SLC15A2: variants seen among roughly 807,000 people sequenced by gnomAD.
SLC15A2 encodes kidney H(+)/peptide cotransporter.
Under a neutral mutation model 95.5 loss-of-function variants are expected in SLC15A2, and 77 were observed. That is an observed-to-expected ratio of 0.81 (90% CI 0.67 to 0.97). SLC15A2 has a LOEUF of 0.97. SLC15A2 is among the 50% of genes least tolerant of loss of function. The pLI is 0.00. For missense variants in SLC15A2, 893 were observed against 874.4 expected (o/e 1.02, Z -0.27); for synonymous variants, 306 against 306.9 (o/e 1.00, Z 0.03).
At position 121,902,143 on chromosome 3, in the gene SLC15A2, G is replaced by A. The variant is rs1006026292; in HGVS notation, c.335+4614G>A. ...GGAAAGACTAATCAATAGGTACGCA[G>A]TGGGAAAACAAAAATTATTAAACAT... On this transcript the variant is annotated intron_variant, in intron 3 of 21. Coordinates refer to ENST00000489711, the MANE Select transcript of SLC15A2 (RefSeq NM_021082.4). Among the ~76,000 whole-genome samples, 9 of 152,150 alleles carry A rather than the reference G, an allele frequency of 5.9e-5. No individual in the cohort carries two copies. The East Asian group carries it at 1.7e-3, about 29-fold the overall frequency.
chr3:121,907,625 C>A (rs1455995602), intron 3 of SLC15A2, among the ~76,000 whole-genome samples: 1 of 152,206 alleles, frequency 6.6e-6, no homozygotes, highest in Non-Finnish European at 1.5e-5. Context: ...AGCTGCGGGT[C>A]TGTTGGAGTT....
Position 121,896,450 on chromosome 3 carries a change from G to A in SLC15A2, c.150G>A (p.Val50=). The change falls in exon 2 of 22, where the codon GTG becomes GTA. Residue 50 remains valine, a synonymous_variant. Transcript: ENST00000489711. ...SNYPLSIAFI[V]VNEFCERFSY... is the part of the protein sequence containing the mutation. ...ATCCACTGAGCATTGCCTTCATTGT[G>A]GTGAATGAATTCTGCGAGCGCTTTT... 2 of 1,614,084 alleles carry A rather than the reference G, an allele frequency of 1.2e-6. No homozygotes were observed. The highest frequency in any genetic ancestry group is 1.7e-6 in the Non-Finnish European group (2 of 1,179,994).
chr3:121,905,894 G>T (rs9713657), intron 3 of SLC15A2, among the ~76,000 whole-genome samples: 2 of 151,394 alleles, frequency 1.3e-5, no homozygotes, highest in East Asian at 3.9e-4. Flanking sequence ...TTCATGTCCT[G>T]TATATCCTTG....
At chr3:121,913,226 C>G in intron 5 of SLC15A2, 106 bp downstream of exon 5, 1 of 781,718 alleles carries the variant, frequency 1.3e-6, no homozygotes, top group East Asian at 2.5e-5. Context: ...CTGGTCAGAT[C>G]TTATCTGAGC....
At chr3:121,936,963 G>T (rs1710360319) in intron 19 of SLC15A2, among the ~76,000 whole-genome samples, 2 of 151,514 alleles carry the variant, frequency 1.3e-5, no homozygotes, top group African/African-American at 2.4e-5. Flanking sequence ...AGGCCTGGTG[G>T]TGACAAAATC....
intron 20 of SLC15A2, 85 bp from the exon 21 acceptor site, chr3:121,940,299 C>T: frequency 1.0e-6 from 1 of 960,544 alleles, no homozygotes; most frequent in Non-Finnish European, 1.7e-6. Flanking sequence ...AACTTGGAAG[C>T]TTTTGTGGGA....
rs199548513 is a variant in SLC15A2, at chr3:121,897,369, C to CT, written c.194-11dup. 1.1e-3 allele frequency: 1,796 copies of CT among 1,610,220 alleles called. 16 individuals are homozygous for CT. In the African/African-American group the frequency reaches 0.018, roughly 16 times the overall value. ...ATCTTGTTTTGTCTCCCCACGCCTC[C>CT]TTTTTTTTCCCACTACAGCTGTGCT... is the stretch of plus-strand genomic sequence containing the variant. On this transcript the variant is annotated intron_variant, in intron 2 of 21. Transcript: ENST00000489711.
intron 21 of SLC15A2, 93 bp from the exon 22 acceptor site, chr3:121,940,738 C>T (rs1184009626): frequency 7.4e-7 from 1 of 1,350,070 alleles, no homozygotes; most frequent in Admixed American, 2.1e-5. Context: ...AACTGGTGAT[C>T]CCAGGTCAGT....
intron 3 of SLC15A2, among the ~76,000 whole-genome samples, chr3:121,903,709 T>A (rs894787251): frequency 6.6e-6 from 1 of 152,210 alleles, no homozygotes; most frequent in African/African-American, 2.4e-5. Flanking sequence ...CATTGGTCTA[T>A]ATATGTGTTT....
In SLC15A2 at chr3:121,894,471, C is replaced by G; in HGVS notation, c.-6C>G. On this transcript the variant is annotated 5_prime_UTR_variant, in exon 1 of 22. Coordinates refer to ENST00000489711, the MANE Select transcript of SLC15A2 (RefSeq NM_021082.4). ...TTGAGGAGAGAGAGAGAGTAAGGAG[C>G]CAGCCATGAATCCTTTCCAGAAAAA... 1.2e-6 allele frequency: 2 copies of G among 1,608,512 alleles called. No homozygotes were observed. Among genetic ancestry groups the G allele is most frequent in the Non-Finnish European group, 1.7e-6 (2 of 1,176,154 alleles).
rs1048853174 is a variant in SLC15A2, at chr3:121,931,650, T to G, written c.1676T>G (p.Val559Gly). 1 of 1,609,698 alleles carries G rather than the reference T, an allele frequency of 6.2e-7. No homozygotes were observed. The highest frequency in any genetic ancestry group is 2.2e-5 in the East Asian group (1 of 44,844). ...RTVQRGEYPAVHCRTEDKNFS... is the reference protein window; with the variant it reads ...RTVQRGEYPAGHCRTEDKNFS... ...TCATCCTGTTCCAGATACCCTGCAG[T>G]GCACTGTAGAACAGAAGATAAGAAC... The change falls in exon 19 of 22, where the codon GTG becomes GGG. Residue 559 changes from valine (V) to glycine (G), a missense_variant. Transcript: ENST00000489711.
Position 121,940,828 on chromosome 3 carries a change from C to A in SLC15A2, c.2014-3C>A. 1 of 1,610,316 alleles carries A rather than the reference C, an allele frequency of 6.2e-7. No individual in the cohort carries two copies. The highest frequency in any genetic ancestry group is 8.5e-7 in the Non-Finnish European group (1 of 1,178,462). On this transcript the variant is annotated splice_polypyrimidine_tract_variant and splice_region_variant and intron_variant, in intron 21 of 21. Coordinates refer to ENST00000489711, the MANE Select transcript of SLC15A2 (RefSeq NM_021082.4). ...TTCTTCTCATATTTATTTCCCCCTG[C>A]AGTGGGCCGAATTCATTTTGTTTTC...
intron 21 of SLC15A2, 64 bp from the exon 22 acceptor site, chr3:121,940,767 C>G: frequency 6.6e-7 from 1 of 1,523,106 alleles, no homozygotes; most frequent in East Asian, 2.3e-5. Flanking sequence ...CACTCCTCAT[C>G]CTGTAAAGAT....
Position 121,928,560 on chromosome 3 carries a change from G to A in SLC15A2, c.1341+5G>A. ...GAGTCCATCAAATCCTTTCAGGTGA[G>A]GTGTGTACCTGAATGAATTAGAAAC... is the stretch of plus-strand genomic sequence containing the variant. On this transcript the variant is annotated splice_donor_5th_base_variant and intron_variant, in intron 15 of 21. Transcript: ENST00000489711. 6.2e-7 allele frequency: 1 copy of A among 1,612,786 alleles called. No individual in the cohort carries two copies. The highest frequency in any genetic ancestry group is 8.5e-7 in the Non-Finnish European group (1 of 1,179,458).
intron 13 of SLC15A2, among the ~76,000 whole-genome samples, chr3:121,925,763 TATATATATATATATATATAAAA>T (rs1710107138): frequency 1.1e-5 from 1 of 88,198 alleles, no homozygotes; most frequent in African/African-American, 5.6e-5. Flanking sequence ...TATATATATA[TATATATATATATATATATAAAA>T]TACAACTACT....
chr3:121,927,688 G>C, intron 13 of SLC15A2, 70 bp from the exon 14 acceptor site: 2 of 1,114,676 alleles, frequency 1.8e-6, no homozygotes, highest in Non-Finnish European at 1.4e-6. Context: ...TTAATAATAG[G>C]CTACAGAGTT....
intron 3 of SLC15A2, among the ~76,000 whole-genome samples, chr3:121,899,483 C>T (rs889671616): frequency 6.6e-6 from 1 of 152,116 alleles, no homozygotes; most frequent in South Asian, 2.1e-4. Context: ...TTTAAATGAA[C>T]AAAACTCATC....
intron 7 of SLC15A2, among the ~76,000 whole-genome samples, chr3:121,920,493 C>T (rs76881315): frequency 6.6e-6 from 1 of 152,206 alleles, no homozygotes; most frequent in African/African-American, 2.4e-5. Flanking sequence ...TGGGGTTTCA[C>T]CATGTTGGCC....
Position 121,940,759 on chromosome 3 carries a change from C to T in SLC15A2, c.2014-72C>T. On this transcript the variant is annotated intron_variant, in intron 21 of 21. Transcript: ENST00000489711. ...TGATCCCAGGTCAGTCTGCTCCCCA[C>T]TCCTCATCCTGTAAAGATCTCTTTA... 3 of 1,497,864 alleles carry T rather than the reference C, an allele frequency of 2.0e-6. No homozygotes were observed. The South Asian group carries it at 3.9e-5, about 20-fold the overall frequency. The allele number at this position is 1,497,864 out of a possible 1,614,324, so 92.8% of individuals were successfully genotyped here.
Sources: gnomAD v4.1 joint callset for allele counts (sites outside exome capture counted in the v4.1 genomes callset) on GRCh38, gnomAD v4.1.1 for gene constraint, MANE v1.5 for transcripts, NCBI Gene and HGNC (gene_info 2026-07-23, HGNC 2026-07-21) for gene names.